The following NFASC variants were observed in gnomAD, a reference collection of about 807,000 sequenced individuals.
NFASC encodes the protein neurofascin homolog.
In NFASC, 43 loss-of-function variants were observed where a neutral mutation model predicts 147.5. The ratio of observed to expected loss-of-function variants is 0.29; its 90% CI spans 0.23 to 0.38. The LOEUF (loss-of-function observed/expected upper bound fraction) is 0.38. Ranked by LOEUF, NFASC falls within the 10% of genes least tolerant of loss-of-function variation. The pLI is 1.00. For synonymous variants in NFASC, 622 were observed against 665.5 expected (o/e 0.93, Z 1.01); for missense variants, 1,320 against 1,689.0 (o/e 0.78, Z 3.83).
intron 1 of NFASC, among the ~76,000 whole-genome samples, chr1:204,849,365 A>G (rs1453532418): frequency 1.3e-5 from 2 of 152,210 alleles, no homozygotes; most frequent in Non-Finnish European, 2.9e-5. Flanking sequence ...TCAGAGCTTC[A>G]AGAGACGTTA....
chr1:204,946,473 G>A (rs940239983), intron 3 of NFASC: 15 of 416,524 alleles, frequency 3.6e-5, no homozygotes, highest in South Asian at 1.2e-4. Context: ...CAGGCTGCCC[G>A]GAGCATGCCC....
chr1:205,016,506 G>A lies in NFASC; in HGVS notation c.3690G>A (p.Thr1230=), dbSNP rs143897854. The change falls in exon 30 of 30, where the codon ACG becomes ACA. Residue 1230 remains threonine, a synonymous_variant. Transcript: ENST00000339876. This position sits in a 1 kb window ranked among gnomAD's most constrained non-coding sequence, Gnocchi z 5.1. The stretch of plus-strand genomic sequence containing the variant: ...AGGGCAACGAAAGCTCAGAGGCCAC[G>A]TCACCTGTCAATGCTATCTACTCTC... ...ETEGNESSEA[T]SPVNAIYSLA 5.3e-3 allele frequency: 8,619 copies of A among 1,614,004 alleles called. 62 individuals are homozygous for A. The highest frequency in any genetic ancestry group is 0.015 in the South Asian group (1,365 of 91,078).
chr1:205,002,974 C>A (rs2096023466), intron 27 of NFASC, among the ~76,000 whole-genome samples: 2 of 152,174 alleles, frequency 1.3e-5, no homozygotes, highest in African/African-American at 2.4e-5. Context: ...GATTGTGGCC[C>A]CGTGCGGGTC....
At chr1:204,872,874 T>G (rs1368833156) in intron 1 of NFASC, among the ~76,000 whole-genome samples, 1 of 152,194 alleles carries the variant, frequency 6.6e-6, no homozygotes, top group African/African-American at 2.4e-5. Context: ...CATATAAACC[T>G]TTCAACAACC....
chr1:205,014,892 G>A (rs1281879999), intron 29 of NFASC, among the ~76,000 whole-genome samples: 1 of 152,132 alleles, frequency 6.6e-6, no homozygotes, highest in East Asian at 1.9e-4. Flanking sequence ...GGAGCCTGGC[G>A]ATTTCCCTCC....
chr1:204,877,454 C>T (rs542580636), intron 1 of NFASC, among the ~76,000 whole-genome samples: 3 of 152,026 alleles, frequency 2.0e-5, no homozygotes, highest in Non-Finnish European at 2.9e-5. Context: ...TGGTTGAAAT[C>T]GGGGGTGGAT....
intron 1 of NFASC, among the ~76,000 whole-genome samples, chr1:204,914,164 A>T (rs1019267494): frequency 6.6e-6 from 1 of 152,234 alleles, no homozygotes; most frequent in Non-Finnish European, 1.5e-5. Flanking sequence ...ACTGATAAGA[A>T]TCAACCAACT....
At chr1:204,892,790 T>C (rs1389918679) in intron 1 of NFASC, among the ~76,000 whole-genome samples, 1 of 152,258 alleles carries the variant, frequency 6.6e-6, no homozygotes, top group African/African-American at 2.4e-5. Flanking sequence ...AATATGACTA[T>C]TACAGAATTC....
In NFASC at chr1:205,001,304, GGGT is replaced by G; in HGVS notation, c.3136+27_3136+29del. The G allele has an allele frequency of 6.5e-7, 1 of 1,537,082 alleles. No homozygotes were observed. The highest frequency in any genetic ancestry group is 9.0e-7 in the Non-Finnish European group (1 of 1,115,100). ...CATCGACAGTAAGCATTGCTGTGCG[GGGT>G]GGTGGTGGCGGCAGCGGCGTCGGCA... On this transcript the variant is annotated intron_variant, in intron 26 of 29. Coordinates refer to ENST00000339876, the MANE Select transcript of NFASC (RefSeq NM_001005388.3).
At chr1:204,935,892 T>A (rs2442404) in intron 2 of NFASC, among the ~76,000 whole-genome samples, 68,084 of 151,950 alleles carry the variant, frequency 0.45, 15,975 homozygotes, top group Non-Finnish European at 0.52. Flanking sequence ...CTGCACAGGG[T>A]TTCCAGTTCT....
At chr1:204,844,732 A>G (rs1372468831) in intron 1 of NFASC, among the ~76,000 whole-genome samples, 1 of 152,208 alleles carries the variant, frequency 6.6e-6, no homozygotes, top group African/African-American at 2.4e-5. Flanking sequence ...CAACAGGGAC[A>G]GGTTTATTTT....
At chr1:204,844,069 AATGCCAGAGTGC>A (rs1676278196) in intron 1 of NFASC, among the ~76,000 whole-genome samples, 1 of 152,126 alleles carries the variant, frequency 6.6e-6, no homozygotes, top group Non-Finnish European at 1.5e-5. Flanking sequence ...TACATTGTGC[AATGCCAGAGTGC>A]ATGCATCTGG....
At chr1:204,967,951 C>CCGTA in intron 8 of NFASC, 3 of 312,066 alleles carry the variant, frequency 9.6e-6, no homozygotes, top group Admixed American at 4.6e-5. Flanking sequence ...TCTCGCACTG[C>CCGTA]TCAGACAGCC....
At position 205,021,717 on chromosome 1, in the gene NFASC, A is replaced by G. The variant is rs1242679174; in HGVS notation, c.*5178A>G. On this transcript the variant is annotated 3_prime_UTR_variant, in exon 30 of 30. Transcript: ENST00000339876. ...ATCTGTCCTTCTGGTTCACCCTCTCATACCTCTTTACTGCGTCTCCCACAT... is the reference window on the plus strand; with the variant it reads ...ATCTGTCCTTCTGGTTCACCCTCTCGTACCTCTTTACTGCGTCTCCCACAT... The G allele has an allele frequency of 2.0e-5, 3 of 153,332 alleles. No homozygotes were observed. The allele number at this position is 153,332 out of a possible 1,614,324, so 9.5% of individuals were successfully genotyped here.
chr1:204,880,083 T>C (rs2079855866), intron 1 of NFASC, among the ~76,000 whole-genome samples: 1 of 152,188 alleles, frequency 6.6e-6, no homozygotes, highest in Non-Finnish European at 1.5e-5. Flanking sequence ...GTTATCTCAG[T>C]AGCAGGGGGA....
intron 5 of NFASC, among the ~76,000 whole-genome samples, chr1:204,952,561 T>A (rs138489162): frequency 6.6e-6 from 1 of 152,202 alleles, no homozygotes; most frequent in African/African-American, 2.4e-5. Flanking sequence ...GGCTCTGTGT[T>A]AGGTTCTGTT....
chr1:204,924,194 C>T (rs941824590), intron 2 of NFASC, among the ~76,000 whole-genome samples: 1 of 152,180 alleles, frequency 6.6e-6, no homozygotes, highest in African/African-American at 2.4e-5. Context: ...CTCCCCCATG[C>T]CTCCTGTATT....
At chr1:204,906,714 G>A (rs1252764855) in intron 1 of NFASC, among the ~76,000 whole-genome samples, 3 of 149,188 alleles carry the variant, frequency 2.0e-5, no homozygotes, top group African/African-American at 5.0e-5. Flanking sequence ...ATGGAGTCTC[G>A]CTCTGTTGCC....
chr1:204,932,502 G>A (rs144654619), intron 2 of NFASC, among the ~76,000 whole-genome samples: 6 of 151,842 alleles, frequency 4.0e-5, no homozygotes, highest in Admixed American at 6.6e-5. Flanking sequence ...GATTGACAGC[G>A]TTTGCAAAAG....
Sources: gnomAD v4.1 joint callset for allele counts (sites outside exome capture counted in the v4.1 genomes callset) on GRCh38, gnomAD v4.1.1 for gene constraint, Gnocchi (gnomAD v3.1) non-coding constraint, MANE v1.5 for transcripts, NCBI Gene and HGNC (gene_info 2026-07-23, HGNC 2026-07-21) for gene names.